TSPEAR: variants seen among roughly 807,000 people sequenced by gnomAD.
TSPEAR encodes thrombospondin type laminin G domain and EAR repeats.
TSPEAR carries 69 observed loss-of-function variants against 71.6 expected under a neutral mutation model. That is an observed-to-expected ratio of 0.96 (90% CI 0.79 to 1.18). The LOEUF (loss-of-function observed/expected upper bound fraction) is 1.18, where lower values mean the gene tolerates loss of function less well. TSPEAR is among the 50% of genes most tolerant of loss of function. TSPEAR has a pLI of 0.00. For missense variants in TSPEAR, 971 were observed against 894.9 expected, an observed-to-expected ratio of 1.09 and a Z score of -1.09; for synonymous variants, 402 against 387.2, an observed-to-expected ratio of 1.04 and a Z score of -0.45.
chr21:44,507,012 G>A, intron 10 of TSPEAR: 1 of 152,414 alleles, frequency 6.6e-6, no homozygotes, highest in Non-Finnish European at 1.5e-5. Context: ...GACGGATGAA[G>A]TGTGACTCAG....
At chr21:44,577,161 GT>G (rs1331512253) in intron 1 of TSPEAR, among the ~76,000 whole-genome samples, 2 of 152,202 alleles carry the variant, frequency 1.3e-5, no homozygotes, top group African/African-American at 4.8e-5. Flanking sequence ...AAAATGCATA[GT>G]AATTTGTTTT....
intron 9 of TSPEAR, among the ~76,000 whole-genome samples, chr21:44,511,330 CAT>C (rs1158806645): frequency 2.0e-5 from 3 of 152,006 alleles, no homozygotes; most frequent in Non-Finnish European, 4.4e-5. Context: ...TGCATGCATG[CAT>C]ACACACACAA....
intron 1 of TSPEAR, chr21:44,658,153 G>A: frequency 6.2e-7 from 1 of 1,614,110 alleles, no homozygotes; most frequent in Non-Finnish European, 8.5e-7. Context: ...GCGTGCCCGT[G>A]AGCTGCAGGC....
chr21:44,527,587 A>G (rs2145974428), intron 6 of TSPEAR, 69 bp from the exon 7 acceptor site: 1 of 1,502,930 alleles, frequency 6.7e-7, no homozygotes, highest in Non-Finnish European at 9.2e-7. Context: ...TCCTCGCGGG[A>G]GCGCGATTCC....
intron 1 of TSPEAR, among the ~76,000 whole-genome samples, chr21:44,635,255 A>C (rs1379764767): frequency 6.7e-6 from 1 of 149,244 alleles, no homozygotes; most frequent in Non-Finnish European, 1.5e-5. Flanking sequence ...CTGAGGCAGG[A>C]GAATCACTTG....
intron 1 of TSPEAR, among the ~76,000 whole-genome samples, chr21:44,699,779 C>T (rs1209367861): frequency 2.0e-5 from 3 of 152,210 alleles, no homozygotes; most frequent in African/African-American, 2.4e-5. Flanking sequence ...CTCCCAGCCA[C>T]GCTTACGGCG....
Position 44,675,981 on chromosome 21 carries a change from G to A in TSPEAR, c.82+35452C>T. On this transcript the variant is annotated intron_variant, in intron 1 of 11. Transcript: ENST00000323084. ...ATTCGGGCTTCCTTCAGCCAGTCTT[G>A]TGCCACTTATCTGGATTCTCCCTTC... The A allele has an allele frequency of 3.6e-6, 3 of 830,010 alleles. No individual in the cohort carries two copies. In the South Asian group the frequency reaches 4.0e-5, roughly 11 times the overall value. 51.4% of individuals were successfully genotyped at this position (830,010 alleles called of 1,614,324 possible).
intron 2 of TSPEAR, among the ~76,000 whole-genome samples, chr21:44,534,984 G>A (rs2053063354): frequency 6.6e-6 from 1 of 152,216 alleles, no homozygotes; most frequent in Non-Finnish European, 1.5e-5. Flanking sequence ...CAACATGGAT[G>A]AACCTTGGGG....
intron 1 of TSPEAR, among the ~76,000 whole-genome samples, chr21:44,633,797 T>A (rs1263253427): frequency 4.6e-5 from 7 of 152,264 alleles, no homozygotes; most frequent in Admixed American, 1.3e-4. Context: ...TATTTAAAAA[T>A]TTTTTTTAAT....
At chr21:44,517,716 T>A in intron 9 of TSPEAR, 2 of 469,612 alleles carry the variant, frequency 4.3e-6, no homozygotes, top group East Asian at 1.4e-4. Context: ...CCAGCGTCCT[T>A]GTCCTGCGGG....
In TSPEAR at chr21:44,672,574, C is replaced by CAA. The variant is rs71199617; in HGVS notation, c.82+38857_82+38858dup. ...GATAGAGCAAAACTCCGTCTCAAAA[C>CAA]AAAAAAAAAAGAAAACCTATTTAGC... On this transcript the variant is annotated intron_variant, in intron 1 of 11. Coordinates refer to ENST00000323084, the MANE Select transcript of TSPEAR (RefSeq NM_144991.3). 1.1e-4 allele frequency among the ~76,000 whole-genome samples: 16 copies of CAA among 151,030 alleles called. No homozygotes were observed. The East Asian group carries it at 1.2e-3, about 11-fold the overall frequency.
At chr21:44,628,550 G>A (rs1192764028) in intron 1 of TSPEAR, among the ~76,000 whole-genome samples, 1 of 152,044 alleles carries the variant, frequency 6.6e-6, no homozygotes, top group Admixed American at 6.6e-5. Context: ...ACGTTCTGCT[G>A]TCCGGCTCCC....
intron 1 of TSPEAR, chr21:44,574,541 C>A: frequency 6.2e-7 from 1 of 1,609,356 alleles, no homozygotes; most frequent in Non-Finnish European, 8.5e-7. Flanking sequence ...CGGCTTGCTG[C>A]ACCTCCTCTC....
chr21:44,565,171 C>T (rs1015285530), intron 2 of TSPEAR, among the ~76,000 whole-genome samples: 1 of 152,020 alleles, frequency 6.6e-6, no homozygotes, highest in Non-Finnish European at 1.5e-5. Flanking sequence ...GTTGTAAATA[C>T]CTGTATTAAG....
rs587670643 is a variant in TSPEAR at position 44,546,109 on chromosome 21, C to A, written c.304-12186G>T. Among the ~76,000 whole-genome samples the A allele has an allele frequency of 1.0e-3, 157 of 152,252 alleles. 1 individual carries two copies. The highest frequency in any genetic ancestry group is 3.6e-3 in the African/African-American group (151 of 41,544). ...AATGGGAATATCACTACTGACCTTA[C>A]ATTAATAAAAAGGATTATAAGGAAT... On this transcript the variant is annotated intron_variant, in intron 2 of 11. Transcript: ENST00000323084. The surrounding 1 kb of genome is among the most constrained non-coding windows in gnomAD (Gnocchi z 4.4).
chr21:44,501,484 C>A (rs191628362), intron 11 of TSPEAR, among the ~76,000 whole-genome samples: 1 of 152,314 alleles, frequency 6.6e-6, no homozygotes, highest in South Asian at 2.1e-4. Flanking sequence ...GTAGTCCCAG[C>A]TACTCAGGAG....
At chr21:44,522,352 G>A (rs1379864901) in intron 8 of TSPEAR, among the ~76,000 whole-genome samples, 1 of 152,310 alleles carries the variant, frequency 6.6e-6, no homozygotes, top group Admixed American at 6.5e-5. Context: ...GGCCCCCACC[G>A]CCCTTGGGAC....
intron 9 of TSPEAR, chr21:44,517,916 T>C (rs2052630930): frequency 1.3e-5 from 6 of 467,452 alleles, no homozygotes; most frequent in Non-Finnish European, 2.7e-5. Context: ...CTTCAAGCCT[T>C]CTCTGACAAT....
chr21:44,521,508 C>T (rs868950272), intron 9 of TSPEAR, among the ~76,000 whole-genome samples: 15 of 152,228 alleles, frequency 9.9e-5, no homozygotes, highest in Admixed American at 7.2e-4. Flanking sequence ...AGGGCCCTGA[C>T]GACCATACAG....
Sources: allele counts gnomAD v4.1 joint callset (sites outside exome capture counted in the v4.1 genomes callset), GRCh38; gene constraint gnomAD v4.1.1; non-coding constraint Gnocchi (gnomAD v3.1); transcripts MANE v1.5; gene names NCBI Gene and HGNC (gene_info 2026-07-23, HGNC 2026-07-21).